Variants in IL17RD observed in about 807,000 individuals in gnomAD.
The protein encoded by IL17RD is interleukin 17 receptor D, also known as interleukin-17 receptor D.
Under a neutral mutation model 80.5 loss-of-function variants are expected in IL17RD, and 52 were observed. That is an observed-to-expected ratio of 0.65 (90% CI 0.52 to 0.81). The LOEUF is 0.81. Among genes scored for constraint, IL17RD ranks in the 40% least tolerant of loss-of-function variants. The probability of loss-of-function intolerance (pLI) is 0.00; values close to 1 mark genes in which losing one functional copy is unlikely to be tolerated. For synonymous variants in IL17RD, 416 were observed against 391.8 expected (o/e 1.06, Z -0.73); for missense variants, 1,024 against 955.1 (o/e 1.07, Z -0.95).
chr3:57,105,833 C>A (rs764496400), intron 7 of IL17RD, 24 bp downstream of exon 7: 2 of 1,609,150 alleles, frequency 1.2e-6, no homozygotes, highest in Non-Finnish European at 1.7e-6. Flanking sequence ...CGCAGTGTTC[C>A]TTTATATACA....
At chr3:57,109,702 A>AC (rs781289378) in intron 4 of IL17RD, 45 bp from the exon 5 acceptor site, 6 of 1,589,150 alleles carry the variant, frequency 3.8e-6, no homozygotes, top group Non-Finnish European at 5.1e-6. Context: ...GAAATTACCC[A>AC]CCCCTCCACC....
Position 57,098,191 on chromosome 3 carries a change from A to C in IL17RD, c.1512T>G (p.Leu504=). The change falls in exon 12 of 13, where the codon CTT becomes CTG. Residue 504 remains leucine, a synonymous_variant. Coordinates refer to ENST00000296318, the MANE Select transcript of IL17RD (RefSeq NM_017563.5). ...LSTKYRLMDN[L]PQLCSHLHSR... is the part of the protein sequence containing the mutation. ...AGTGCAAGTGGGAACAGAGCTGAGG[A>C]AGATTGTCCATGAGTCTGTACTTGG... The C allele has an allele frequency of 6.2e-7, 1 of 1,613,848 alleles. No individual in the cohort carries two copies. The highest frequency in any genetic ancestry group is 8.5e-7 in the Non-Finnish European group (1 of 1,179,836).
At chr3:57,141,427 T>A (rs1028927558) in intron 1 of IL17RD, among the ~76,000 whole-genome samples, 3 of 152,158 alleles carry the variant, frequency 2.0e-5, no homozygotes, top group Non-Finnish European at 4.4e-5. Context: ...ATTTTTTGTA[T>A]TGTTAGCAGT....
In IL17RD at chr3:57,091,163, T is replaced by C. The variant is rs1184272556; in HGVS notation, c.*5230A>G. On this transcript the variant is annotated 3_prime_UTR_variant, in exon 13 of 13. Transcript: ENST00000296318. ...CTGTACCATTTAATATTGTGAGTCATGAAATAAAGGTGATATCTATAGAGA... is the reference window on the plus strand; with the variant it reads ...CTGTACCATTTAATATTGTGAGTCACGAAATAAAGGTGATATCTATAGAGA... The C allele has an allele frequency of 6.6e-6, 1 of 152,510 alleles. No homozygotes were observed. The highest frequency in any genetic ancestry group is 1.5e-5 in the Non-Finnish European group (1 of 68,022). The allele number at this position is 152,510 out of a possible 1,614,324, so 9.4% of individuals were successfully genotyped here.
At chr3:57,121,131 C>T (rs1218559039) in intron 1 of IL17RD, among the ~76,000 whole-genome samples, 2 of 152,212 alleles carry the variant, frequency 1.3e-5, no homozygotes, top group Non-Finnish European at 2.9e-5. Flanking sequence ...TGCCGTTCAG[C>T]ATTAATCACA....
chr3:57,112,016 G>A (rs1480797246), intron 3 of IL17RD, among the ~76,000 whole-genome samples: 1 of 151,968 alleles, frequency 6.6e-6, no homozygotes, highest in East Asian at 1.9e-4. Context: ...GTGGCAAGCG[G>A]TGGTTCTTGT....
intron 1 of IL17RD, among the ~76,000 whole-genome samples, chr3:57,155,589 A>G (rs1333550716): frequency 2.0e-5 from 3 of 152,214 alleles, no homozygotes; most frequent in Admixed American, 1.3e-4. Flanking sequence ...AAGCAATTTC[A>G]GAGGAAATTT....
At chr3:57,106,078 G>GA (rs749292018) in intron 6 of IL17RD, 32 bp downstream of exon 6, 1 of 1,611,474 alleles carries the variant, frequency 6.2e-7, no homozygotes, top group Non-Finnish European at 8.5e-7. Flanking sequence ...GCGATACTTT[G>GA]AGACTTGATA....
rs1707499603 is a variant in IL17RD at position 57,127,312 on chromosome 3, AT to A, written c.127-7000del. On this transcript the variant is annotated intron_variant, in intron 1 of 12. Transcript: ENST00000296318. ...TATATATAAATATATATAAAAATATATAAAAATATATATAAATATATATAAA... is the reference window on the plus strand; with the variant it reads ...TATATATAAATATATATAAAAATATAAAAAATATATATAAATATATATAAA... 1.9e-5 allele frequency among the ~76,000 whole-genome samples: 2 copies of A among 105,596 alleles called. 1 individual carries two copies. The highest frequency in any genetic ancestry group is 1.0e-4 in the African/African-American group (2 of 19,426). 69.3% of individuals were successfully genotyped at this position (105,596 alleles called of 152,430 possible). A position where few individuals can be genotyped will look rare whatever the true frequency, so the allele number is the denominator to read the frequency against.
chr3:57,163,119 A>G (rs1025287796), intron 1 of IL17RD, among the ~76,000 whole-genome samples: 10 of 152,174 alleles, frequency 6.6e-5, no homozygotes, highest in Admixed American at 2.0e-4. Flanking sequence ...TGGGTCCATG[A>G]AATCCACCAA....
At chr3:57,116,069 G>GC (rs1347992880) in intron 2 of IL17RD, among the ~76,000 whole-genome samples, 1 of 152,072 alleles carries the variant, frequency 6.6e-6, no homozygotes, top group East Asian at 1.9e-4. Flanking sequence ...ACCCTTCCAA[G>GC]CCTTGTTTTA....
Position 57,096,122 on chromosome 3 carries a change from C to T in IL17RD, c.*271G>A. On this transcript the variant is annotated 3_prime_UTR_variant, in exon 13 of 13. Transcript: ENST00000296318. ...TCCTCCCTACCTCCCACAACAGGCT[C>T]TGATCCAAGGACTAACCAAATTTGG... 1 of 427,376 alleles carries T rather than the reference C, an allele frequency of 2.3e-6. No homozygotes were observed. Among genetic ancestry groups the T allele is most frequent in the Non-Finnish European group, 4.3e-6 (1 of 234,000 alleles). The allele number at this position is 427,376 out of a possible 1,614,324, so 26.5% of individuals were successfully genotyped here. A position where few individuals can be genotyped will look rare whatever the true frequency, so the allele number is the denominator to read the frequency against.
At chr3:57,132,957 G>C (rs1707644185) in intron 1 of IL17RD, among the ~76,000 whole-genome samples, 1 of 152,090 alleles carries the variant, frequency 6.6e-6, no homozygotes, top group Admixed American at 6.6e-5. Context: ...AGTTGGGTTT[G>C]GGATATATTT....
rs934022962 is a variant in IL17RD at position 57,090,151 on chromosome 3, T to G, written c.*6242A>C. On this transcript the variant is annotated 3_prime_UTR_variant, in exon 13 of 13. Transcript: ENST00000296318. ...TGTTAAGAGTTCTGTCAGTGCTCAT[T>G]ATCCCACTAGATCCCACAAAGGGCA... The G allele has an allele frequency of 6.6e-6, 1 of 152,632 alleles. No individual in the cohort carries two copies. The highest frequency in any genetic ancestry group is 1.5e-5 in the Non-Finnish European group (1 of 68,056). The allele number at this position is 152,632 out of a possible 1,614,324, so 9.5% of individuals were successfully genotyped here.
intron 11 of IL17RD, among the ~76,000 whole-genome samples, chr3:57,100,877 G>C (rs1167706344): frequency 6.6e-6 from 1 of 152,190 alleles, no homozygotes; most frequent in Non-Finnish European, 1.5e-5. Flanking sequence ...CCAATTGCAT[G>C]TTTCCACGGA....
At chr3:57,108,672 C>A (rs1403632883) in intron 5 of IL17RD, among the ~76,000 whole-genome samples, 1 of 151,852 alleles carries the variant, frequency 6.6e-6, no homozygotes, top group East Asian at 1.9e-4. Flanking sequence ...CACACCATGA[C>A]GCCCGGCTAA....
chr3:57,158,907 C>A (rs2060285454), intron 1 of IL17RD, among the ~76,000 whole-genome samples: 1 of 152,184 alleles, frequency 6.6e-6, no homozygotes, highest in Non-Finnish European at 1.5e-5. Context: ...CTACAGACTT[C>A]TTTCTTACTT....
At chr3:57,161,780 G>A (rs1418734843) in intron 1 of IL17RD, among the ~76,000 whole-genome samples, 1 of 152,236 alleles carries the variant, frequency 6.6e-6, no homozygotes. Flanking sequence ...AACCAAACTT[G>A]CTTCTAGTTG....
chr3:57,116,775 A>G (rs1579279073), intron 2 of IL17RD, among the ~76,000 whole-genome samples: 1 of 152,058 alleles, frequency 6.6e-6, no homozygotes, highest in Non-Finnish European at 1.5e-5. Flanking sequence ...CAGCTATGAG[A>G]GATCAGCTCT....
Sources: allele counts gnomAD v4.1 joint callset (sites outside exome capture counted in the v4.1 genomes callset), GRCh38; gene constraint gnomAD v4.1.1; transcripts MANE v1.5; gene names NCBI Gene and HGNC (gene_info 2026-07-23, HGNC 2026-07-21).